The following DOK6 variants were observed in gnomAD, a reference collection of about 807,000 sequenced individuals.
DOK6 encodes downstream of tyrosine kinase 6.
In DOK6, 22 loss-of-function variants were observed where a neutral mutation model predicts 44.0. The ratio of observed to expected loss-of-function variants is 0.50; its 90% CI spans 0.36 to 0.71. The LOEUF (loss-of-function observed/expected upper bound fraction) is 0.71, where lower values mean the gene tolerates loss of function less well. DOK6 is among the 30% of genes least tolerant of loss of function. DOK6 has a pLI of 0.00. For synonymous variants in DOK6, 166 were observed against 145.5 expected (o/e 1.14, Z -1.01); for missense variants, 340 against 416.4 (o/e 0.82, Z 1.60).
chr18:69,506,950 A>T (rs561973665), intron 1 of DOK6, among the ~76,000 whole-genome samples: 1 of 151,972 alleles, frequency 6.6e-6, no homozygotes, highest in South Asian at 2.1e-4. Context: ...TTTTTGGATT[A>T]TATTGTATTT....
intron 1 of DOK6, among the ~76,000 whole-genome samples, chr18:69,538,594 G>A (rs914984533): frequency 6.6e-6 from 1 of 152,150 alleles, no homozygotes. Flanking sequence ...TATTGCCCAT[G>A]CTGGCCTCCA....
chr18:69,617,216 A>T (rs1984305716), intron 3 of DOK6, among the ~76,000 whole-genome samples: 1 of 152,150 alleles, frequency 6.6e-6, no homozygotes, highest in Admixed American at 6.5e-5. Context: ...ACACTTTAGG[A>T]GGTCAAGGTG....
intron 7 of DOK6, among the ~76,000 whole-genome samples, chr18:69,806,270 C>T (rs1981049790): frequency 6.6e-6 from 1 of 151,782 alleles, no homozygotes; most frequent in Admixed American, 6.6e-5. Flanking sequence ...GGTTTTGCTG[C>T]CAAGAAATTC....
chr18:69,582,319 C>T (rs1599204575), intron 2 of DOK6, among the ~76,000 whole-genome samples: 2 of 152,008 alleles, frequency 1.3e-5, no homozygotes, highest in Non-Finnish European at 2.9e-5. Flanking sequence ...TAGCTGAGTT[C>T]GTGAAAGTAT....
At chr18:69,633,770 T>C (rs1455853024) in intron 3 of DOK6, among the ~76,000 whole-genome samples, 1 of 152,134 alleles carries the variant, frequency 6.6e-6, no homozygotes, top group East Asian at 1.9e-4. Context: ...AAATATATGC[T>C]TAGTGGAGAC....
At chr18:69,586,635 A>G (rs1018607915) in intron 2 of DOK6, among the ~76,000 whole-genome samples, 60 of 152,220 alleles carry the variant, frequency 3.9e-4, no homozygotes, top group African/African-American at 1.4e-3. Flanking sequence ...AGGTAGCCCC[A>G]GAGGGCAGAT....
intron 7 of DOK6, among the ~76,000 whole-genome samples, chr18:69,769,013 AT>A (rs1979809938): frequency 8.7e-6 from 1 of 115,274 alleles, no homozygotes; most frequent in Admixed American, 9.5e-5. Context: ...AGGAAGAAGA[AT>A]GTAGTTTGGG....
chr18:69,800,328 A>G (rs1313473748), intron 7 of DOK6, among the ~76,000 whole-genome samples: 1 of 152,152 alleles, frequency 6.6e-6, no homozygotes, highest in African/African-American at 2.4e-5. Context: ...AATTGCTTAT[A>G]ACAAAGAAGC....
In DOK6 at chr18:69,841,328, C is replaced by G; in HGVS notation, c.941C>G (p.Pro314Arg). 6.2e-7 allele frequency: 1 copy of G among 1,614,176 alleles called. No homozygotes were observed. The highest frequency in any genetic ancestry group is 1.3e-5 in the African/African-American group (1 of 75,036). The change falls in exon 8 of 8, where the codon CCG (proline) becomes CGG (arginine). Residue 314 changes from proline to arginine, a missense_variant. By Grantham distance (103) the Pro-to-Arg change is moderately radical. This residue lies in a region of DOK6 where 112 missense variants were observed against 109.3 expected (regional missense o/e 1.02). Coordinates refer to ENST00000382713, the MANE Select transcript of DOK6 (RefSeq NM_152721.6). ...APEQSEEAQQ[P>R]LSRSSSYGFS... ...GAACAGAGTGAAGAGGCCCAGCAGC[C>G]GTTGTCGCGGTCCAGCAGCTATGGA...
chr18:69,443,330 A>T (rs1307422218), intron 1 of DOK6, among the ~76,000 whole-genome samples: 1 of 152,196 alleles, frequency 6.6e-6, no homozygotes, highest in East Asian at 1.9e-4. Context: ...ACCAGAGCAC[A>T]GTGGTCACGT....
intron 3 of DOK6, among the ~76,000 whole-genome samples, chr18:69,602,477 C>G (rs1307342670): frequency 6.6e-6 from 1 of 152,022 alleles, no homozygotes; most frequent in African/African-American, 2.4e-5. Flanking sequence ...CTAAGAAGGC[C>G]TGATGAATAA....
intron 1 of DOK6, among the ~76,000 whole-genome samples, chr18:69,402,751 C>T (rs1459410865): frequency 2.0e-5 from 3 of 152,206 alleles, no homozygotes; most frequent in Non-Finnish European, 4.4e-5. Flanking sequence ...CTGGAGCCAA[C>T]GTGCGCTGCC....
chr18:69,562,637 AC>A (rs1982864814), intron 1 of DOK6, among the ~76,000 whole-genome samples: 1 of 152,226 alleles, frequency 6.6e-6, no homozygotes, highest in South Asian at 2.1e-4. Context: ...TACACCTTAT[AC>A]AAAAATTAAT....
At chr18:69,611,608 C>T (rs1984142242) in intron 3 of DOK6, among the ~76,000 whole-genome samples, 1 of 151,896 alleles carries the variant, frequency 6.6e-6, no homozygotes, top group Non-Finnish European at 1.5e-5. Context: ...ACTGTGGTAT[C>T]TTCACACCAT....
intron 1 of DOK6, among the ~76,000 whole-genome samples, chr18:69,402,779 G>T (rs1464982650): frequency 6.6e-6 from 1 of 152,242 alleles, no homozygotes; most frequent in African/African-American, 2.4e-5. Flanking sequence ...CCACCAAGGC[G>T]AGAGAGAGCA....
rs1472872297 is a variant in DOK6, at chr18:69,802,927, A to G, written c.857-38317A>G. Among the ~76,000 whole-genome samples the G allele has an allele frequency of 2.0e-5, 3 of 152,194 alleles. No homozygotes were observed. The East Asian group carries it at 5.8e-4, about 29-fold the overall frequency. ...AAGATAAATTACAATATTTTTCTAT[A>G]AAATTTAAGCCAAAGAAAGTAGGAA... On this transcript the variant is annotated intron_variant, in intron 7 of 7. Transcript: ENST00000382713.
chr18:69,586,664 G>C, intron 2 of DOK6, among the ~76,000 whole-genome samples: 1 of 152,190 alleles, frequency 6.6e-6, no homozygotes. Flanking sequence ...CACCAGCTCA[G>C]TAACAGGTCA....
intron 7 of DOK6, among the ~76,000 whole-genome samples, chr18:69,782,491 GT>G (rs1354994126): frequency 6.6e-6 from 1 of 151,890 alleles, no homozygotes; most frequent in Non-Finnish European, 1.5e-5. Flanking sequence ...GATTACAGGC[GT>G]GAGCCACCGC....
intron 4 of DOK6, among the ~76,000 whole-genome samples, chr18:69,685,907 T>C (rs1042277676): frequency 2.0e-5 from 3 of 152,202 alleles, no homozygotes; most frequent in African/African-American, 7.2e-5. Flanking sequence ...CGTGCCTATG[T>C]GTTAAACCTC....
Sources: allele counts gnomAD v4.1 joint callset (sites outside exome capture counted in the v4.1 genomes callset), GRCh38; gene constraint gnomAD v4.1.1; regional missense constraint gnomAD v4.1.1; transcripts MANE v1.5; gene names NCBI Gene and HGNC (gene_info 2026-07-23, HGNC 2026-07-21).